Variants in RSPO2 observed in about 807,000 individuals in gnomAD.
RSPO2 encodes R-spondin 2.
Under a neutral mutation model 30.9 loss-of-function variants are expected in RSPO2, and 14 were observed. The observed-to-expected ratio is 0.45, with a 90% CI of 0.30 to 0.71. The LOEUF is 0.71. Ranked by LOEUF, RSPO2 falls within the 30% of genes least tolerant of loss-of-function variation. The probability of loss-of-function intolerance (pLI) is 0.08; values close to 1 mark genes in which losing one functional copy is unlikely to be tolerated. For missense variants in RSPO2, 264 were observed against 301.9 expected, an observed-to-expected ratio of 0.87 and a Z score of 0.93; for synonymous variants, 107 against 96.4, an observed-to-expected ratio of 1.11 and a Z score of -0.64.
intron 2 of RSPO2, among the ~76,000 whole-genome samples, chr8:108,015,068 G>A (rs962900528): frequency 7.9e-5 from 12 of 152,060 alleles, no homozygotes; most frequent in Non-Finnish European, 5.9e-5. Context: ...TTGTAGAAAA[G>A]TACCCCATAT....
At chr8:107,928,682 C>T (rs1812460240) in intron 5 of RSPO2, among the ~76,000 whole-genome samples, 1 of 152,206 alleles carries the variant, frequency 6.6e-6, no homozygotes, top group Admixed American at 6.5e-5. Context: ...GCCTTGGTTT[C>T]AGCCTCAGCT....
At position 108,063,247 on chromosome 8, in the gene RSPO2, G is replaced by A. The variant is rs192749627; in HGVS notation, c.94+19298C>T. On this transcript the variant is annotated intron_variant, in intron 2 of 5. Transcript: ENST00000276659. ...GGAAAAGAGGAAGTCAATTGTCCCC[G>A]TTTGAAGATGACATGATTGTATATC... Among the ~76,000 whole-genome samples, 118 of 151,912 alleles carry A rather than the reference G, an allele frequency of 7.8e-4. 4 individuals are homozygous for A. The highest frequency in any genetic ancestry group is 3.4e-3 in the Middle Eastern group (1 of 294).
At chr8:108,024,099 G>C (rs781690234) in intron 2 of RSPO2, among the ~76,000 whole-genome samples, 31 of 150,906 alleles carry the variant, frequency 2.1e-4, no homozygotes, top group Non-Finnish European at 3.4e-4. Flanking sequence ...TTGTTGCAAA[G>C]GTATTCAAAA....
chr8:108,050,274 A>C (rs1812038609), intron 2 of RSPO2, among the ~76,000 whole-genome samples: 1 of 152,192 alleles, frequency 6.6e-6, no homozygotes, highest in Admixed American at 6.5e-5. Flanking sequence ...TTGCTGGAAT[A>C]TTGGTTTTCA....
chr8:107,943,014 T>A (rs1812948119), intron 5 of RSPO2, among the ~76,000 whole-genome samples: 1 of 152,196 alleles, frequency 6.6e-6, no homozygotes, highest in East Asian at 1.9e-4. Context: ...AACTTGACAC[T>A]CATCAAAATT....
Position 107,915,827 on chromosome 8 carries a change from C to T in RSPO2, c.617-14637G>A, listed in dbSNP as rs190428091. 3.4e-4 allele frequency among the ~76,000 whole-genome samples: 52 copies of T among 152,216 alleles called. 2 individuals carry two copies. In the South Asian group the frequency reaches 8.3e-3, roughly 24 times the overall value. On this transcript the variant is annotated intron_variant, in intron 5 of 5. Transcript: ENST00000276659. ...AATGTTAATTTGGTTCCCCTGCGGC[C>T]TATTGGGAAACATCTTGCAAAACGG...
intron 2 of RSPO2, among the ~76,000 whole-genome samples, chr8:108,021,835 A>C (rs1477825689): frequency 6.6e-6 from 1 of 152,116 alleles, no homozygotes; most frequent in Non-Finnish European, 1.5e-5. Flanking sequence ...TGTGGGGCTT[A>C]AAACCTAGAT....
intron 5 of RSPO2, among the ~76,000 whole-genome samples, chr8:107,911,965 A>T (rs193141311): frequency 6.6e-6 from 1 of 152,216 alleles, no homozygotes; most frequent in Admixed American, 6.5e-5. Flanking sequence ...GTCCCATTAG[A>T]TCCCTGATGG....
At chr8:108,003,191 A>G (rs1815305904) in intron 2 of RSPO2, among the ~76,000 whole-genome samples, 1 of 146,716 alleles carries the variant, frequency 6.8e-6, no homozygotes, top group African/African-American at 2.5e-5. Flanking sequence ...AGCTGGGATT[A>G]CAGGCATGCA....
intron 2 of RSPO2, among the ~76,000 whole-genome samples, chr8:108,005,528 T>C (rs929422662): frequency 7.8e-6 from 1 of 128,248 alleles, no homozygotes; most frequent in Non-Finnish European, 1.6e-5. Flanking sequence ...CTCATTTGTC[T>C]GTCTGCTTGT....
At chr8:107,952,409 G>C (rs1482542397) in intron 5 of RSPO2, among the ~76,000 whole-genome samples, 1 of 151,972 alleles carries the variant, frequency 6.6e-6, no homozygotes, top group Admixed American at 6.6e-5. Context: ...TGATTTCTCA[G>C]ACAGACATTA....
At chr8:107,904,659 C>T (rs1811582255) in intron 5 of RSPO2, among the ~76,000 whole-genome samples, 1 of 151,982 alleles carries the variant, frequency 6.6e-6, no homozygotes, top group African/African-American at 2.4e-5. Flanking sequence ...ACCTGGTAGG[C>T]TAGGCACAGT....
chr8:108,057,632 A>C (rs1454784885), intron 2 of RSPO2, among the ~76,000 whole-genome samples: 1 of 152,160 alleles, frequency 6.6e-6, no homozygotes. Flanking sequence ...TCAATGGCTG[A>C]CCCCAAATAG....
intron 2 of RSPO2, among the ~76,000 whole-genome samples, chr8:108,061,216 T>C (rs1220085368): frequency 6.6e-6 from 1 of 151,564 alleles, no homozygotes. Flanking sequence ...GGCTATATGC[T>C]CCAATTAAAA....
chr8:107,982,825 T>C lies in RSPO2; in HGVS notation c.283+6231A>G, dbSNP rs186932635. 6.0e-4 allele frequency among the ~76,000 whole-genome samples: 91 copies of C among 152,370 alleles called. 1 individual carries two copies. The highest frequency in any genetic ancestry group is 2.0e-3 in the Admixed American group (30 of 15,304). On this transcript the variant is annotated intron_variant, in intron 3 of 5. Transcript: ENST00000276659. ...TCTGCTTCTGGGACATCATCCTCTC[T>C]GCTTTCCTAGTGACTTAGTCACAGC...
chr8:107,939,914 TATC>T (rs1263458652), intron 5 of RSPO2, among the ~76,000 whole-genome samples: 2 of 152,104 alleles, frequency 1.3e-5, no homozygotes, highest in African/African-American at 2.4e-5. Context: ...TTAATATTAA[TATC>T]ATCTTTGAAC....
chr8:108,013,923 A>G (rs1230596697), intron 2 of RSPO2, among the ~76,000 whole-genome samples: 1 of 152,218 alleles, frequency 6.6e-6, no homozygotes, highest in African/African-American at 2.4e-5. Context: ...AATCTACAGA[A>G]TAGGAGAAAA....
At chr8:108,075,667 C>T (rs1812987422) in intron 2 of RSPO2, among the ~76,000 whole-genome samples, 1 of 141,724 alleles carries the variant, frequency 7.1e-6, no homozygotes, top group Admixed American at 6.9e-5. Flanking sequence ...GCTGGGAATG[C>T]TTTTATACCT....
chr8:107,960,884 A>G, intron 3 of RSPO2, 67 bp from the exon 4 acceptor site: 3 of 1,267,508 alleles, frequency 2.4e-6, no homozygotes, highest in Non-Finnish European at 3.3e-6. Context: ...TTACAAATAA[A>G]ATTTTTGTAA....
Sources: allele counts gnomAD v4.1 joint callset (sites outside exome capture counted in the v4.1 genomes callset), GRCh38; gene constraint gnomAD v4.1.1; transcripts MANE v1.5; gene names NCBI Gene and HGNC (gene_info 2026-07-23, HGNC 2026-07-21).